JADE2: variants seen among roughly 807,000 people sequenced by gnomAD.
JADE2 encodes E3 ubiquitin-protein ligase Jade-2.
JADE2 carries 13 observed loss-of-function variants against 85.7 expected under a neutral mutation model. That is an observed-to-expected ratio of 0.15 (90% CI 0.10 to 0.24). The LOEUF is 0.24. JADE2 is among the 10% of genes least tolerant of loss of function. The probability of loss-of-function intolerance (pLI) is 1.00; values close to 1 mark genes in which losing one functional copy is unlikely to be tolerated. For synonymous variants in JADE2, 440 were observed against 456.1 expected, an observed-to-expected ratio of 0.96 and a Z score of 0.45; for missense variants, 846 against 1,115.9, an observed-to-expected ratio of 0.76 and a Z score of 3.45.
At chr5:134,542,872 A>G (rs1340662724) in intron 3 of JADE2, among the ~76,000 whole-genome samples, 1 of 151,838 alleles carries the variant, frequency 6.6e-6, no homozygotes. Flanking sequence ...AGCTGGGACT[A>G]CCGGCACTTG....
intron 3 of JADE2, 28 bp downstream of exon 3, chr5:134,538,111 C>G: frequency 6.4e-7 from 1 of 1,558,132 alleles, no homozygotes; most frequent in Non-Finnish European, 8.9e-7. Context: ...TCCCAGAGAT[C>G]TGTGGGGAGT....
At chr5:134,534,483 G>A (rs1488128936) in intron 1 of JADE2, among the ~76,000 whole-genome samples, 3 of 152,030 alleles carry the variant, frequency 2.0e-5, no homozygotes, top group Non-Finnish European at 4.4e-5. Flanking sequence ...GGTGGGCACT[G>A]GGGTAGAGAG....
intron 1 of JADE2, among the ~76,000 whole-genome samples, chr5:134,527,792 C>G (rs911707125): frequency 1.3e-5 from 2 of 152,126 alleles, no homozygotes; most frequent in Admixed American, 1.3e-4. Flanking sequence ...CACTTTTTTA[C>G]CAGCTTGGCT....
Position 134,566,647 on chromosome 5 carries a change from C to A in JADE2, c.1434+67C>A. ...CCAGGAGTCCTTTCCATGCCACACT[C>A]ACTGCCCTGGAGCAGCTAGGACTCA... On this transcript the variant is annotated intron_variant, in intron 9 of 11. Transcript: ENST00000681547. The surrounding 1 kb of genome is among the most constrained non-coding windows in gnomAD (Gnocchi z 6.7). 8.3e-7 allele frequency: 1 copy of A among 1,198,126 alleles called. No homozygotes were observed. The highest frequency in any genetic ancestry group is 1.2e-6 in the Non-Finnish European group (1 of 861,454). 74.2% of individuals were successfully genotyped at this position (1,198,126 alleles called of 1,614,324 possible).
chr5:134,576,827 G>T lies in JADE2; in HGVS notation c.1612G>T (p.Gly538Cys). Reference protein sequence around the residue: ...KSDSKRKGCEGSKGSTEKKEK... With the variant: ...KSDSKRKGCECSKGSTEKKEK... ...TGACTCGAAGAGGAAGGGCTGCGAGGGCTCCAAGGGCAGCACTGAGAAGAA... is the reference window on the plus strand; with the variant it reads ...TGACTCGAAGAGGAAGGGCTGCGAGTGCTCCAAGGGCAGCACTGAGAAGAA... The change falls in exon 11 of 12, where the codon GGC (glycine) becomes TGC (cysteine). Residue 538 changes from glycine (G) to cysteine (C), a missense_variant. Around this residue, in one of 9 missense-constraint regions of JADE2, gnomAD observed 119 missense variants for 163.9 expected, o/e 0.73. Transcript: ENST00000681547. 2 of 1,550,618 alleles carry T rather than the reference G, an allele frequency of 1.3e-6. No individual in the cohort carries two copies. The highest frequency in any genetic ancestry group is 2.0e-5 in the Admixed American group (1 of 51,006).
At chr5:134,542,280 C>G (rs1223437746) in intron 3 of JADE2, among the ~76,000 whole-genome samples, 2 of 152,188 alleles carry the variant, frequency 1.3e-5, no homozygotes, top group South Asian at 2.1e-4. Context: ...GCCTGGCTCA[C>G]TAAATGGTGT....
chr5:134,560,610 AG>A (rs1355271746), intron 5 of JADE2, 135 bp from the exon 6 acceptor site: 2 of 691,296 alleles, frequency 2.9e-6, no homozygotes, highest in Admixed American at 5.2e-5. Flanking sequence ...TGCTTCTCCC[AG>A]GTCCAACAGT....
In JADE2 at chr5:134,543,887, G is replaced by A. The variant is rs187378221; in HGVS notation, c.153+5804G>A. ...AAAGATCTAAGCAACGTCAGGGAGT[G>A]TGGGTGGGGGCAGTCCACCACTCCA... is the stretch of plus-strand genomic sequence containing the variant. On this transcript the variant is annotated intron_variant, in intron 3 of 11. Coordinates refer to ENST00000681547, the MANE Select transcript of JADE2 (RefSeq NM_001388185.1). Among the ~76,000 whole-genome samples, 554 of 152,296 alleles carry A rather than the reference G, an allele frequency of 3.6e-3. 3 individuals carry two copies. Among genetic ancestry groups the A allele is most frequent in the African/African-American group, 0.013 (536 of 41,558 alleles).
chr5:134,544,601 A>G (rs1762178848), intron 3 of JADE2: 1 of 166,096 alleles, frequency 6.0e-6, no homozygotes, highest in South Asian at 2.1e-4. Flanking sequence ...GGAAGCCTGG[A>G]TGGTGGGAGT....
intron 1 of JADE2, among the ~76,000 whole-genome samples, chr5:134,528,788 C>G (rs569845671): frequency 6.6e-6 from 1 of 152,330 alleles, no homozygotes; most frequent in Admixed American, 6.5e-5. Flanking sequence ...AGGGTCCCCC[C>G]ATCACTTTTG....
At chr5:134,551,687 G>A (rs1292588009) in intron 3 of JADE2, among the ~76,000 whole-genome samples, 1 of 152,024 alleles carries the variant, frequency 6.6e-6, no homozygotes, top group African/African-American at 2.4e-5. Flanking sequence ...CATCAGTATT[G>A]CTTTCACATT....
chr5:134,539,408 A>G (rs1021721383), intron 3 of JADE2, among the ~76,000 whole-genome samples: 5 of 151,524 alleles, frequency 3.3e-5, no homozygotes, highest in Admixed American at 6.6e-5. Context: ...CATGTTGGCC[A>G]GGCTGGTCTT....
rs1763380269 is a variant in JADE2, at chr5:134,562,432, C to A, written c.852+65C>A. The A allele has an allele frequency of 2.7e-6, 4 of 1,471,982 alleles. No homozygotes were observed. In the South Asian group the frequency reaches 5.0e-5, roughly 18 times the overall value. The allele number at this position is 1,471,982 out of a possible 1,614,324, so 91.2% of individuals were successfully genotyped here. A position where few individuals can be genotyped will look rare whatever the true frequency, so the allele number is the denominator to read the frequency against. ...CGTGGGGAAGTGGGTCTGCATGGGA[C>A]TCAGGTAGCAGAGCACTGGGAAAAG... On this transcript the variant is annotated intron_variant, in intron 7 of 11. Coordinates refer to ENST00000681547, the MANE Select transcript of JADE2 (RefSeq NM_001388185.1). The surrounding 1 kb of genome is among the most constrained non-coding windows in gnomAD (Gnocchi z 4.6).
chr5:134,574,263 G>T, intron 10 of JADE2: 1 of 209,842 alleles, frequency 4.8e-6, no homozygotes, highest in Non-Finnish European at 9.6e-6. Flanking sequence ...GTTTTTCACT[G>T]TTTCATTCTT....
intron 3 of JADE2, among the ~76,000 whole-genome samples, chr5:134,542,362 T>A (rs1209572985): frequency 6.6e-6 from 1 of 152,144 alleles, no homozygotes; most frequent in Admixed American, 6.5e-5. Context: ...GAGCAGAGAT[T>A]ATTGTTTTAA....
chr5:134,561,064 A>C lies in JADE2; in HGVS notation c.684+107A>C, dbSNP rs1581453419. On this transcript the variant is annotated intron_variant, in intron 6 of 11. Coordinates refer to ENST00000681547, the MANE Select transcript of JADE2 (RefSeq NM_001388185.1). ...GGCACTGTGGACAGAAGCCCTTAAG[A>C]AGGAGGAGGAAGGGAATGGTGAGGA... is the stretch of plus-strand genomic sequence containing the variant. 8 of 860,576 alleles carry C rather than the reference A, an allele frequency of 9.3e-6. No individual in the cohort carries two copies. The East Asian group carries it at 1.0e-4, about 11-fold the overall frequency. The allele number at this position is 860,576 out of a possible 1,614,324, so 53.3% of individuals were successfully genotyped here. A position where few individuals can be genotyped will look rare whatever the true frequency, so the allele number is the denominator to read the frequency against.
At position 134,582,395 on chromosome 5, in the gene JADE2, C is replaced by T. The variant is rs1308889630; in HGVS notation, c.*3078C>T. ...GTGTGCCAGGCCACGTCTCGTGTGT[C>T]CGTATGCAGGCATGCCTGTGTATAC... is the stretch of plus-strand genomic sequence containing the variant. On this transcript the variant is annotated 3_prime_UTR_variant, in exon 12 of 12. Coordinates refer to ENST00000681547, the MANE Select transcript of JADE2 (RefSeq NM_001388185.1). The T allele has an allele frequency of 1.4e-5, 2 of 147,448 alleles. No individual in the cohort carries two copies. Among genetic ancestry groups the T allele is most frequent in the African/African-American group, 5.1e-5 (2 of 39,544 alleles). The allele number at this position is 147,448 out of a possible 1,614,324, so 9.1% of individuals were successfully genotyped here. A position where few individuals can be genotyped will look rare whatever the true frequency, so the allele number is the denominator to read the frequency against.
chr5:134,554,170 C>T (rs1762773777), intron 4 of JADE2, among the ~76,000 whole-genome samples: 1 of 152,188 alleles, frequency 6.6e-6, no homozygotes, highest in Admixed American at 6.5e-5. Context: ...ATCATAGGCA[C>T]AGCAGACTCG....
chr5:134,554,298 G>C (rs1216789357), intron 4 of JADE2, among the ~76,000 whole-genome samples: 3 of 152,106 alleles, frequency 2.0e-5, no homozygotes, highest in African/African-American at 2.4e-5. Context: ...GGAGAATCAG[G>C]GGTGCCCCAG....
Sources: allele counts gnomAD v4.1 joint callset (sites outside exome capture counted in the v4.1 genomes callset), GRCh38; gene constraint gnomAD v4.1.1; regional missense constraint gnomAD v4.1.1; non-coding constraint Gnocchi (gnomAD v3.1); transcripts MANE v1.5; gene names NCBI Gene and HGNC (gene_info 2026-07-23, HGNC 2026-07-21).